The following CDC42SE2 variants were observed in gnomAD, a reference collection of about 807,000 sequenced individuals.
CDC42SE2 encodes the protein CDC42 small effector protein 2.
In CDC42SE2, 3 loss-of-function variants were observed where a neutral mutation model predicts 11.5. The observed-to-expected ratio is 0.26, with a 90% CI of 0.12 to 0.67. The LOEUF (loss-of-function observed/expected upper bound fraction) is 0.67. Ranked by LOEUF, CDC42SE2 falls within the 30% of genes least tolerant of loss-of-function variation. The pLI, the probability that CDC42SE2 is intolerant of heterozygous loss-of-function variation, is 0.80. For missense variants in CDC42SE2, 82 were observed against 106.8 expected (o/e 0.77, Z 1.02); for synonymous variants, 33 against 34.8 (o/e 0.95, Z 0.18).
At chr5:131,220,446 C>A in the CDC42SE2 span, among the ~76,000 whole-genome samples, 1 of 152,088 alleles carries the variant, frequency 6.6e-6, no homozygotes, top group Non-Finnish European at 1.5e-5. Flanking sequence ...ACCTCGTGAT[C>A]CGCCCACCTC....
chr5:131,295,141 G>A (rs1757542441), intron 1 of CDC42SE2, among the ~76,000 whole-genome samples: 1 of 147,460 alleles, frequency 6.8e-6, no homozygotes, highest in Non-Finnish European at 1.5e-5. Context: ...AAAAAAAATA[G>A]GCATGGAGGT....
chr5:131,214,346 G>A, the CDC42SE2 span, among the ~76,000 whole-genome samples: 2 of 152,010 alleles, frequency 1.3e-5, no homozygotes, highest in Admixed American at 1.3e-4. Context: ...CTGCATTCCA[G>A]CCTGGGCAAC....
intron 3 of CDC42SE2, among the ~76,000 whole-genome samples, chr5:131,381,322 GTT>G (rs58641820): frequency 8.2e-5 from 12 of 146,308 alleles, no homozygotes; most frequent in South Asian, 6.5e-4. Flanking sequence ...GTTTTTTTTT[GTT>G]TTTTTTTTTG....
Position 131,338,621 on chromosome 5 carries a change from TC to T in CDC42SE2, c.-285-20587del, listed in dbSNP as rs1758633716. ...TTTACTCATTTAATCCTCACATAAA[TC>T]TTTGAGAAAATACTACCATAAGCTC... On this transcript the variant is annotated intron_variant, in intron 2 of 4. Coordinates refer to ENST00000505065, the MANE Select transcript of CDC42SE2 (RefSeq NM_001375635.1). Among the ~76,000 whole-genome samples the T allele has an allele frequency of 2.6e-5, 4 of 152,274 alleles. No homozygotes were observed. The East Asian group carries it at 7.7e-4, about 29-fold the overall frequency.
chr5:131,259,624 A>G (rs1266888210), upstream of CDC42SE2, among the ~76,000 whole-genome samples: 1 of 152,236 alleles, frequency 6.6e-6, no homozygotes, highest in Non-Finnish European at 1.5e-5. Context: ...TTGTATCCCA[A>G]GCAGTTAGTA....
chr5:131,352,399 C>G (rs1028295533), intron 2 of CDC42SE2, among the ~76,000 whole-genome samples: 2 of 152,044 alleles, frequency 1.3e-5, no homozygotes, highest in Non-Finnish European at 2.9e-5. Context: ...ATAGGTAAAT[C>G]TTAAAAACAT....
Position 131,317,511 on chromosome 5 carries a change from G to A in CDC42SE2, c.-286+1367G>A, listed in dbSNP as rs540342889. On this transcript the variant is annotated intron_variant, in intron 2 of 4. Coordinates refer to ENST00000505065, the MANE Select transcript of CDC42SE2 (RefSeq NM_001375635.1). Reference sequence around the variant, plus strand: ...GCATCCCCACTCTGTTCTTAGGACTGTGTGTTTTGGGGGAGGTGGAGGGAA... The same window carrying A: ...GCATCCCCACTCTGTTCTTAGGACTATGTGTTTTGGGGGAGGTGGAGGGAA... Among the ~76,000 whole-genome samples, 164 of 152,122 alleles carry A rather than the reference G, an allele frequency of 1.1e-3. 1 individual carries two copies. The highest frequency in any genetic ancestry group is 3.8e-3 in the African/African-American group (158 of 41,502).
intron 2 of CDC42SE2, among the ~76,000 whole-genome samples, chr5:131,343,678 A>G (rs922593482): frequency 1.3e-5 from 2 of 151,354 alleles, no homozygotes; most frequent in Non-Finnish European, 2.9e-5. Context: ...GCACCATTGC[A>G]TTCCAGCCTG....
intron 1 of CDC42SE2, among the ~76,000 whole-genome samples, chr5:131,297,396 ATT>A (rs995638277): frequency 2.2e-4 from 34 of 152,056 alleles, no homozygotes; most frequent in African/African-American, 8.0e-4. Flanking sequence ...GAAAACAAAT[ATT>A]TGTTAGTGTA....
intron 1 of CDC42SE2, among the ~76,000 whole-genome samples, chr5:131,310,141 G>A (rs1410270746): frequency 3.3e-5 from 5 of 151,946 alleles, no homozygotes; most frequent in African/African-American, 1.2e-4. Flanking sequence ...ATTCTGGTAT[G>A]TTGTGTCTTT....
chr5:131,336,181 C>A (rs375557327), intron 2 of CDC42SE2, among the ~76,000 whole-genome samples: 1 of 150,840 alleles, frequency 6.6e-6, no homozygotes, highest in South Asian at 2.1e-4. Context: ...CAAAATCTCT[C>A]AGCATTTGCT....
At chr5:131,368,252 C>CAAA (rs543328653) in intron 3 of CDC42SE2, among the ~76,000 whole-genome samples, 24 of 65,250 alleles carry the variant, frequency 3.7e-4, no homozygotes, top group Admixed American at 5.2e-4. Flanking sequence ...GACTCCATCT[C>CAAA]AAAAAAAAAA....
chr5:131,388,080 G>A (rs1561439182), intron 4 of CDC42SE2, among the ~76,000 whole-genome samples: 1 of 151,952 alleles, frequency 6.6e-6, no homozygotes, highest in Non-Finnish European at 1.5e-5. Flanking sequence ...TCACTGCAAC[G>A]TCTGCCTCCT....
rs397737258 is a variant in CDC42SE2 at position 131,286,408 on chromosome 5, T to TTA, written c.-455+22242_-455+22243insTA. 4.1e-4 allele frequency among the ~76,000 whole-genome samples: 61 copies of TTA among 149,074 alleles called. 1 individual carries two copies. Among genetic ancestry groups the TTA allele is most frequent in the African/African-American group, 1.3e-3 (52 of 40,294 alleles). The stretch of plus-strand genomic sequence containing the variant: ...CAGTTTTTTTTTTTTTTTTTTTTTT[T>TTA]AAATAAAGCATTCCTGCCCTTGACG... On this transcript the variant is annotated intron_variant, in intron 1 of 4. Transcript: ENST00000505065.
At chr5:131,270,526 A>G (rs1756972180) in intron 1 of CDC42SE2, among the ~76,000 whole-genome samples, 1 of 152,152 alleles carries the variant, frequency 6.6e-6, no homozygotes. Flanking sequence ...TATAGAGGGA[A>G]TTTATGGGTA....
chr5:131,318,264 G>T (rs1404822807), intron 2 of CDC42SE2, among the ~76,000 whole-genome samples: 2 of 152,156 alleles, frequency 1.3e-5, no homozygotes, highest in African/African-American at 4.8e-5. Flanking sequence ...TAAGAAGATA[G>T]AGAAAGTTGT....
the CDC42SE2 span, among the ~76,000 whole-genome samples, chr5:131,233,889 A>G: frequency 6.6e-6 from 1 of 152,114 alleles, no homozygotes; most frequent in African/African-American, 2.4e-5. Context: ...GGATGTTGAT[A>G]CTCAGGGCAA....
chr5:131,387,836 G>A (rs2149790270), intron 4 of CDC42SE2, among the ~76,000 whole-genome samples: 1 of 152,196 alleles, frequency 6.6e-6, no homozygotes, highest in South Asian at 2.1e-4. Context: ...TACTGAAGTG[G>A]ACTTTTTATG....
intron 1 of CDC42SE2, among the ~76,000 whole-genome samples, chr5:131,287,241 C>T (rs1253796611): frequency 5.9e-5 from 9 of 152,184 alleles, no homozygotes; most frequent in South Asian, 4.2e-4. Flanking sequence ...GTAATCCACC[C>T]GCCTTGGCCT....
Sources: allele counts gnomAD v4.1 joint callset (sites outside exome capture counted in the v4.1 genomes callset), GRCh38; gene constraint gnomAD v4.1.1; transcripts MANE v1.5; gene names NCBI Gene and HGNC (gene_info 2026-07-23, HGNC 2026-07-21).